The following SPOCK1 variants were observed in gnomAD, a reference collection of about 807,000 sequenced individuals.
The protein encoded by SPOCK1 is SPARC (osteonectin), cwcv and kazal like domains proteoglycan 1.
Under a neutral mutation model 55.3 loss-of-function variants are expected in SPOCK1, and 23 were observed. That is an observed-to-expected ratio of 0.42 (90% CI 0.30 to 0.59). The LOEUF is 0.59. SPOCK1 is among the 20% of genes least tolerant of loss of function. SPOCK1 has a pLI of 0.22. For synonymous variants in SPOCK1, 226 were observed against 221.0 expected (o/e 1.02, Z -0.20); for missense variants, 499 against 552.5 (o/e 0.90, Z 0.97).
At chr5:137,227,054 A>G (rs1755960431) in intron 3 of SPOCK1, among the ~76,000 whole-genome samples, 2 of 152,222 alleles carry the variant, frequency 1.3e-5, no homozygotes, top group Admixed American at 1.3e-4. Context: ...GAGGATTTCT[A>G]ACAAGGGATT....
intron 2 of SPOCK1, among the ~76,000 whole-genome samples, chr5:137,401,516 G>A (rs1751976772): frequency 8.0e-6 from 1 of 124,866 alleles, no homozygotes; most frequent in Non-Finnish European, 1.6e-5. Context: ...GAGGCCAGGA[G>A]TTTGAGACCA....
At chr5:137,122,769 GT>G (rs1315718255) in intron 4 of SPOCK1, among the ~76,000 whole-genome samples, 4 of 152,228 alleles carry the variant, frequency 2.6e-5, no homozygotes, top group Non-Finnish European at 5.9e-5. Flanking sequence ...GCATACAAAG[GT>G]TGGCACAAGC....
intron 2 of SPOCK1, among the ~76,000 whole-genome samples, chr5:137,439,226 A>G (rs1475496927): frequency 6.6e-6 from 1 of 152,204 alleles, no homozygotes; most frequent in Non-Finnish European, 1.5e-5. Flanking sequence ...GATAGTTTCA[A>G]TGCTGGATGA....
At chr5:137,496,028 CA>C (rs1754292031) in intron 2 of SPOCK1, among the ~76,000 whole-genome samples, 1 of 151,008 alleles carries the variant, frequency 6.6e-6, no homozygotes. Context: ...AAAACCGCTC[CA>C]AAAACAAAAA....
At chr5:137,167,829 T>C (rs563380899) in intron 3 of SPOCK1, among the ~76,000 whole-genome samples, 3 of 151,808 alleles carry the variant, frequency 2.0e-5, no homozygotes, top group Non-Finnish European at 4.4e-5. Flanking sequence ...GCAAAAGCAA[T>C]ACTAAGAGGG....
At chr5:137,281,257 A>G (rs1372066447) in intron 2 of SPOCK1, among the ~76,000 whole-genome samples, 1 of 152,268 alleles carries the variant, frequency 6.6e-6, no homozygotes, top group Non-Finnish European at 1.5e-5. Context: ...TCATTTTTAC[A>G]TGAATTCACA....
At chr5:137,299,844 T>C (rs953114330) in intron 2 of SPOCK1, among the ~76,000 whole-genome samples, 1 of 152,174 alleles carries the variant, frequency 6.6e-6, no homozygotes, top group South Asian at 2.1e-4. Context: ...TTTCTTTTGG[T>C]TCTTAGCATT....
intron 3 of SPOCK1, among the ~76,000 whole-genome samples, chr5:137,158,023 T>C (rs1580781467): frequency 1.3e-5 from 2 of 152,220 alleles, no homozygotes; most frequent in Admixed American, 6.5e-5. Context: ...GATTGTGCCA[T>C]TGCACTCCAG....
chr5:137,475,444 G>T (rs906117865), intron 2 of SPOCK1, among the ~76,000 whole-genome samples: 1 of 152,024 alleles, frequency 6.6e-6, no homozygotes, highest in Non-Finnish European at 1.5e-5. Flanking sequence ...TTTCAACAAG[G>T]TTCTAGCTAA....
intron 2 of SPOCK1, among the ~76,000 whole-genome samples, chr5:137,469,857 G>A (rs537165267): frequency 6.6e-6 from 1 of 152,276 alleles, no homozygotes; most frequent in East Asian, 1.9e-4. Context: ...TATTTCATGG[G>A]TGGAAGCTGT....
rs532199050 is a variant in SPOCK1 at position 137,029,994 on chromosome 5, T to C, written c.590-37394A>G. On this transcript the variant is annotated intron_variant, in intron 6 of 10. Coordinates refer to ENST00000394945, the MANE Select transcript of SPOCK1 (RefSeq NM_004598.4). ...GAAATCATGTGGGCTGGGAGGCTTC[T>C]GCTATTTCATGAAAGCATGAGCACT... is the stretch of plus-strand genomic sequence containing the variant. Among the ~76,000 whole-genome samples, 11 of 152,358 alleles carry C rather than the reference T, an allele frequency of 7.2e-5. No individual in the cohort carries two copies. The South Asian group carries it at 2.3e-3, about 32-fold the overall frequency.
At chr5:137,100,597 T>C (rs1417647769) in intron 5 of SPOCK1, among the ~76,000 whole-genome samples, 1 of 152,222 alleles carries the variant, frequency 6.6e-6, no homozygotes, top group African/African-American at 2.4e-5. Context: ...ACCAGCTTCC[T>C]ATAGCATCCA....
intron 4 of SPOCK1, among the ~76,000 whole-genome samples, chr5:137,136,142 T>C (rs1269155094): frequency 6.6e-6 from 1 of 152,244 alleles, no homozygotes; most frequent in Admixed American, 6.5e-5. Context: ...AGGCTTTTTG[T>C]GTCCTACTTA....
intron 2 of SPOCK1, among the ~76,000 whole-genome samples, chr5:137,492,397 A>C (rs1754202447): frequency 6.6e-6 from 1 of 152,262 alleles, no homozygotes; most frequent in African/African-American, 2.4e-5. Flanking sequence ...ACCTGAGCAC[A>C]AAACCAACAT....
At chr5:137,493,061 A>T (rs1001007754) in intron 2 of SPOCK1, among the ~76,000 whole-genome samples, 8 of 152,212 alleles carry the variant, frequency 5.3e-5, no homozygotes, top group Admixed American at 5.2e-4. Flanking sequence ...CTTACAGGAA[A>T]TTTATTTTGT....
intron 3 of SPOCK1, among the ~76,000 whole-genome samples, chr5:137,166,448 A>T (rs76981895): frequency 0.03 from 4,527 of 151,976 alleles, 88 homozygotes; most frequent in Non-Finnish European, 0.045. Context: ...AAAAAAAAAG[A>T]CATTAATGAG....
At chr5:137,184,625 C>T (rs78300394) in intron 3 of SPOCK1, among the ~76,000 whole-genome samples, 1 of 152,180 alleles carries the variant, frequency 6.6e-6, no homozygotes, top group Non-Finnish European at 1.5e-5. Context: ...ACCTTCACAG[C>T]CCAGTGCAGA....
At chr5:137,402,611 C>T (rs1036969573) in intron 2 of SPOCK1, among the ~76,000 whole-genome samples, 4 of 152,092 alleles carry the variant, frequency 2.6e-5, no homozygotes, top group Admixed American at 6.5e-5. Flanking sequence ...AAGCAGCCCC[C>T]GGGGGTTAGA....
At chr5:137,338,164 TCCCCCA>T (rs1334920931) in intron 2 of SPOCK1, among the ~76,000 whole-genome samples, 1 of 150,872 alleles carries the variant, frequency 6.6e-6, no homozygotes, top group African/African-American at 2.4e-5. Context: ...TGCTATCCCT[TCCCCCA>T]CCCCCACCCC....
Sources: gnomAD v4.1 joint callset for allele counts (sites outside exome capture counted in the v4.1 genomes callset) on GRCh38, gnomAD v4.1.1 for gene constraint, MANE v1.5 for transcripts, NCBI Gene and HGNC (gene_info 2026-07-23, HGNC 2026-07-21) for gene names.